Variants in HS3ST5 observed in about 807,000 individuals in gnomAD.
HS3ST5 encodes heparan sulfate glucosamine 3-O-sulfotransferase 5.
HS3ST5 carries 10 observed loss-of-function variants against 25.4 expected under a neutral mutation model. The ratio of observed to expected loss-of-function variants is 0.39; its 90% confidence interval spans 0.24 to 0.67. HS3ST5 has a LOEUF of 0.67. HS3ST5 is among the 30% of genes least tolerant of loss of function. The pLI, the probability that HS3ST5 is intolerant of heterozygous loss-of-function variation, is 0.44. For synonymous variants in HS3ST5, 170 were observed against 162.4 expected, an observed-to-expected ratio of 1.05 and a Z score of -0.36; for missense variants, 324 against 420.7, an observed-to-expected ratio of 0.77 and a Z score of 2.01.
intron 1 of HS3ST5, among the ~76,000 whole-genome samples, chr6:114,297,578 A>G (rs1452499366): frequency 1.3e-5 from 2 of 152,212 alleles, no homozygotes. Flanking sequence ...GAATTTACCC[A>G]TATCTAATGA....
At chr6:114,228,806 G>A (rs755385294) in intron 1 of HS3ST5, 28 bp from the exon 2 acceptor site, 3 of 152,150 alleles carry the variant, frequency 2.0e-5, no homozygotes, top group East Asian at 3.9e-4. Context: ...AGAAGTGGTC[G>A]GTCACCTGTA....
chr6:114,313,056 A>T (rs984415787), intron 1 of HS3ST5, among the ~76,000 whole-genome samples: 2 of 139,296 alleles, frequency 1.4e-5, no homozygotes, highest in Non-Finnish European at 1.6e-5. Context: ...AAAAAAAAAG[A>T]TACACTAGAT....
chr6:114,318,750 A>C (rs970726204), intron 1 of HS3ST5, among the ~76,000 whole-genome samples: 2 of 152,224 alleles, frequency 1.3e-5, no homozygotes, highest in African/African-American at 2.4e-5. Flanking sequence ...ATGGGCAAGT[A>C]AATGAACCTC....
At position 114,262,073 on chromosome 6, in the gene HS3ST5, T is replaced by C. The variant is rs576688308; in HGVS notation, c.-338-33295A>G. ...TTAATTTGTGTAGTAAGACAAAGCA[T>C]TGAAATTTCTCTATTTTGCACATCC... On this transcript the variant is annotated intron_variant, in intron 1 of 4. Transcript: ENST00000312719. Among the ~76,000 whole-genome samples the C allele has an allele frequency of 2.0e-3, 309 of 152,298 alleles. 1 individual carries two copies. Among genetic ancestry groups the C allele is most frequent in the African/African-American group, 5.1e-3 (214 of 41,590 alleles).
intron 1 of HS3ST5, among the ~76,000 whole-genome samples, chr6:114,265,414 GGA>G (rs1403414536): frequency 6.6e-6 from 1 of 152,090 alleles, no homozygotes; most frequent in Non-Finnish European, 1.5e-5. Context: ...TAGATGGCAG[GGA>G]GAGCATACAC....
rs775679934 is a variant in HS3ST5 at position 114,058,123 on chromosome 6, G to A, written c.175C>T (p.Arg59Cys). Reference protein sequence around the residue: ...GARTQAEFPLRALQFKRGLLH... With the variant: ...GARTQAEFPLCALQFKRGLLH... ...AGGCCACGCTTAAACTGCAGGGCGC[G>A]AAGTGGGAATTCAGCCTGAGTGCGG... Residue 59 changes from arginine (R) to cysteine (C), a missense_variant, in exon 5 of 5, where the codon CGC becomes TGC. Around this residue, in one of 2 missense-constraint regions of HS3ST5, gnomAD observed 121 missense variants for 117.3 expected, o/e 1.03. Coordinates refer to ENST00000312719, the MANE Select transcript of HS3ST5 (RefSeq NM_153612.4). The A allele has an allele frequency of 1.3e-5, 21 of 1,613,734 alleles. No homozygotes were observed. In the East Asian group the frequency reaches 1.3e-4, roughly 10 times the overall value.
At chr6:114,278,767 G>C (rs540438146) in intron 1 of HS3ST5, among the ~76,000 whole-genome samples, 1 of 152,102 alleles carries the variant, frequency 6.6e-6, no homozygotes, top group East Asian at 1.9e-4. Context: ...AAGGCTAGGG[G>C]AACATACCTT....
intron 3 of HS3ST5, among the ~76,000 whole-genome samples, chr6:114,138,385 G>A (rs1777740724): frequency 1.3e-5 from 2 of 152,164 alleles, no homozygotes; most frequent in Non-Finnish European, 2.9e-5. Flanking sequence ...ATATATTTGG[G>A]TTAGTAAGAT....
At chr6:114,233,057 CTCTTT>C (rs948944285) in intron 1 of HS3ST5, among the ~76,000 whole-genome samples, 63 of 92,070 alleles carry the variant, frequency 6.8e-4, no homozygotes, top group African/African-American at 2.4e-3. Flanking sequence ...ATGACAGACA[CTCTTT>C]TTTTTTTTTT....
chr6:114,249,500 T>G (rs148035146), intron 1 of HS3ST5, among the ~76,000 whole-genome samples: 1,594 of 152,338 alleles, frequency 0.01, 20 homozygotes, highest in Middle Eastern at 0.051. Flanking sequence ...CCCTGCACTG[T>G]AATGGATGCC....
At chr6:114,177,375 T>C (rs1256717491) in intron 2 of HS3ST5, among the ~76,000 whole-genome samples, 2 of 152,222 alleles carry the variant, frequency 1.3e-5, no homozygotes, top group African/African-American at 4.8e-5. Flanking sequence ...ATCACTCTAG[T>C]GTTCCTAAAG....
At chr6:114,334,154 C>T (rs925463806) in intron 1 of HS3ST5, among the ~76,000 whole-genome samples, 1 of 152,166 alleles carries the variant, frequency 6.6e-6, no homozygotes. Flanking sequence ...CAATCCCTGT[C>T]CCTGAGAAGC....
At chr6:114,157,017 T>C (rs1778731251) in intron 3 of HS3ST5, among the ~76,000 whole-genome samples, 2 of 152,198 alleles carry the variant, frequency 1.3e-5, no homozygotes, top group Non-Finnish European at 2.9e-5. Flanking sequence ...CTTACATGTC[T>C]TCTGCAGTTA....
intron 3 of HS3ST5, among the ~76,000 whole-genome samples, chr6:114,074,269 T>G (rs1773994402): frequency 6.6e-6 from 1 of 150,738 alleles, no homozygotes; most frequent in Non-Finnish European, 1.5e-5. Flanking sequence ...GTTATGCACA[T>G]GTGACCTAGA....
At chr6:114,114,184 TG>T (rs1302972730) in intron 3 of HS3ST5, among the ~76,000 whole-genome samples, 1 of 152,290 alleles carries the variant, frequency 6.6e-6, no homozygotes, top group East Asian at 1.9e-4. Context: ...ACCACTATAG[TG>T]CCAAACATGT....
intron 3 of HS3ST5, among the ~76,000 whole-genome samples, chr6:114,167,195 C>G (rs375438428): frequency 2.6e-5 from 4 of 152,264 alleles, no homozygotes; most frequent in Non-Finnish European, 5.9e-5. Flanking sequence ...CTGGTCACTG[C>G]GCACATGTGT....
At chr6:114,145,973 A>G (rs964569692) in intron 3 of HS3ST5, among the ~76,000 whole-genome samples, 2 of 152,224 alleles carry the variant, frequency 1.3e-5, no homozygotes, top group African/African-American at 4.8e-5. Context: ...CATTTTCCTA[A>G]TGTTGTGATG....
chr6:114,278,541 A>G (rs1773968284), intron 1 of HS3ST5, among the ~76,000 whole-genome samples: 1 of 151,610 alleles, frequency 6.6e-6, no homozygotes, highest in African/African-American at 2.4e-5. Context: ...ATACTTCAGT[A>G]TTCTTTAAAA....
intron 1 of HS3ST5, among the ~76,000 whole-genome samples, chr6:114,310,457 T>C (rs1775481135): frequency 6.6e-6 from 1 of 152,108 alleles, no homozygotes; most frequent in African/African-American, 2.4e-5. Context: ...TCAAATTCAA[T>C]TGTATTATAA....
Sources: gnomAD v4.1 joint callset for allele counts (sites outside exome capture counted in the v4.1 genomes callset) on GRCh38, gnomAD v4.1.1 for gene constraint, gnomAD v4.1.1 regional missense constraint, MANE v1.5 for transcripts, NCBI Gene and HGNC (gene_info 2026-07-23, HGNC 2026-07-21) for gene names.